MYH9: variants seen among roughly 807,000 people sequenced by gnomAD.
The protein encoded by MYH9 is myosin-9.
In MYH9, 29 loss-of-function variants were observed where a neutral mutation model predicts 241.9. That is an observed-to-expected ratio of 0.12 (90% confidence interval 0.09 to 0.16). The LOEUF (loss-of-function observed/expected upper bound fraction) is 0.16, where lower values mean the gene tolerates loss of function less well. Among genes scored for constraint, MYH9 ranks in the 10% least tolerant of loss-of-function variants. MYH9 has a pLI of 1.00. For missense variants in MYH9, 1,803 were observed against 2,595.5 expected (o/e 0.69, Z 6.63); for synonymous variants, 1,047 against 1,062.6 (o/e 0.99, Z 0.29).
Position 36,319,633 on chromosome 22 carries a change from G to T in MYH9, c.1015C>A (p.Leu339Met), listed in dbSNP as rs369633699. The change falls in exon 10 of 41, where the codon CTG becomes ATG. Residue 339 changes from leucine (L) to methionine (M), a missense_variant and splice_region_variant. Leu to Met is a conservative substitution (Grantham distance 15). Transcript: ENST00000216181. Reference protein sequence around the residue: ...MGIPEEEQMGLLRVISGVLQL... With the variant: ...MGIPEEEQMGMLRVISGVLQL... ...AGAACCCCTGAGATGACCCGCAGCA[G>T]GCCTTTGGGTGCAATCAGAGGCAGC... 5 of 1,613,986 alleles carry T rather than the reference G, an allele frequency of 3.1e-6. No individual in the cohort carries two copies. In the African/African-American group the frequency reaches 5.3e-5, roughly 17 times the overall value.
chr22:36,291,405 G>A (rs2016700600), intron 31 of MYH9, among the ~76,000 whole-genome samples: 2 of 152,024 alleles, frequency 1.3e-5, no homozygotes, highest in African/African-American at 4.8e-5. Flanking sequence ...TCTGAAACAT[G>A]TGCTGTGTCC....
chr22:36,319,490 A>C (rs1329050253), intron 10 of MYH9, 50 bp downstream of exon 10: 1 of 1,569,824 alleles, frequency 6.4e-7, no homozygotes, highest in Non-Finnish European at 8.8e-7. Context: ...GAGCAAATCC[A>C]TGGCCAAGCA....
rs200844735 is a variant in MYH9 at position 36,326,792 on chromosome 22, AC to A, written c.519-132del. 6 of 756,434 alleles carry A rather than the reference AC, an allele frequency of 7.9e-6. No individual in the cohort carries two copies. The African/African-American group carries it at 9.0e-5, about 11-fold the overall frequency. The allele number at this position is 756,434 out of a possible 1,614,324, so 46.9% of individuals were successfully genotyped here. ...TGAAGGACCCAACGTGTGGCAGAAAACGGGACTGCCACATAAACGCTCTGGA... is the reference window on the plus strand; with the variant it reads ...TGAAGGACCCAACGTGTGGCAGAAAAGGGACTGCCACATAAACGCTCTGGA... On this transcript the variant is annotated intron_variant, in intron 4 of 40. Coordinates refer to ENST00000216181, the MANE Select transcript of MYH9 (RefSeq NM_002473.6).
At chr22:36,375,813 A>T (rs1429756501) in intron 1 of MYH9, among the ~76,000 whole-genome samples, 1 of 152,228 alleles carries the variant, frequency 6.6e-6, no homozygotes, top group African/African-American at 2.4e-5. Context: ...ACCTGAGGCC[A>T]GAAGCTTGAG....
intron 5 of MYH9, among the ~76,000 whole-genome samples, chr22:36,323,868 G>A (rs1031858559): frequency 4.6e-5 from 7 of 152,258 alleles, no homozygotes; most frequent in African/African-American, 1.7e-4. Flanking sequence ...GAGGGCAGGG[G>A]TCAAGCCCAC....
chr22:36,314,640 GT>G (rs371769551), intron 12 of MYH9, among the ~76,000 whole-genome samples: 3,420 of 149,974 alleles, frequency 0.023, 126 homozygotes, highest in African/African-American at 0.079. Flanking sequence ...GTAATACATT[GT>G]TTTTTTTTTT....
intron 24 of MYH9, 76 bp from the exon 25 acceptor site, chr22:36,297,090 C>T (rs746948659): frequency 1.3e-6 from 2 of 1,522,234 alleles, no homozygotes; most frequent in Non-Finnish European, 1.8e-6. Flanking sequence ...ATACAAAATA[C>T]TGAGCACTCG....
intron 2 of MYH9, among the ~76,000 whole-genome samples, chr22:36,344,948 C>A (rs551580146): frequency 1.2e-3 from 181 of 152,336 alleles, no homozygotes; most frequent in African/African-American, 4.3e-3. Context: ...TCACTTGTAA[C>A]ACACATCAGC....
chr22:36,344,113 A>C (rs1287693769), intron 2 of MYH9, among the ~76,000 whole-genome samples: 1 of 152,260 alleles, frequency 6.6e-6, no homozygotes, highest in Non-Finnish European at 1.5e-5. Context: ...CCGTCAAAGC[A>C]GTGATGATGG....
intron 2 of MYH9, among the ~76,000 whole-genome samples, chr22:36,346,588 A>G (rs532336891): frequency 1.3e-5 from 2 of 151,516 alleles, no homozygotes; most frequent in Non-Finnish European, 3.0e-5. Context: ...TAAAGTGGGA[A>G]GGCCATAATA....
chr22:36,289,410 G>A (rs2016649452), intron 31 of MYH9, 113 bp from the exon 32 acceptor site: 4 of 980,048 alleles, frequency 4.1e-6, no homozygotes, highest in Non-Finnish European at 6.1e-6. Context: ...GTGGAGAGGA[G>A]CAGGCCTAGG....
intron 1 of MYH9, among the ~76,000 whole-genome samples, chr22:36,381,818 C>A (rs1187535323): frequency 6.6e-6 from 1 of 152,094 alleles, no homozygotes; most frequent in Admixed American, 6.5e-5. Flanking sequence ...TTTAGTTGAC[C>A]TTTTTAATAG....
At chr22:36,337,700 T>A (rs1474439900) in intron 3 of MYH9, among the ~76,000 whole-genome samples, 4 of 152,204 alleles carry the variant, frequency 2.6e-5, no homozygotes, top group African/African-American at 9.7e-5. Context: ...TTTTAAGATG[T>A]AAGTGGCAGA....
Position 36,376,698 on chromosome 22 carries a change from G to A in MYH9, c.-20+11109C>T, listed in dbSNP as rs544594551. Among the ~76,000 whole-genome samples, 6 of 152,366 alleles carry A rather than the reference G, an allele frequency of 3.9e-5. No individual in the cohort carries two copies. In the South Asian group the frequency reaches 1.0e-3, roughly 26 times the overall value. ...CCAGGGATTCCCCGATCAGTGTTCT[G>A]TAAAATGAAGAGGTCACTAACCGGC... On this transcript the variant is annotated intron_variant, in intron 1 of 40. Transcript: ENST00000216181.
chr22:36,383,113 C>T (rs1192736917), intron 1 of MYH9, among the ~76,000 whole-genome samples: 1 of 151,718 alleles, frequency 6.6e-6, no homozygotes, highest in African/African-American at 2.4e-5. Context: ...CCTGGCTACT[C>T]AGGAGGCTGA....
Position 36,285,833 on chromosome 22 carries a change from C to A in MYH9, c.5150+32G>T, listed in dbSNP as rs768300650. 9.9e-6 allele frequency: 16 copies of A among 1,612,934 alleles called. No individual in the cohort carries two copies. Among genetic ancestry groups the A allele is most frequent in the East Asian group, 2.2e-5 (1 of 44,878 alleles). On this transcript the variant is annotated intron_variant, in intron 36 of 40. Transcript: ENST00000216181. The surrounding 1 kb of genome is among the most constrained non-coding windows in gnomAD (Gnocchi z 7.0). ...GGCCTACCCTGGGGACACACCTGGT[C>A]CCCCCCAACTCTGCCCCCTCACTCA...
intron 12 of MYH9, 34 bp downstream of exon 12, chr22:36,316,483 G>A (rs1354969796): frequency 1.2e-6 from 2 of 1,614,040 alleles, no homozygotes. Context: ...AGGCCAAGGA[G>A]GCAGCAGGGT....
chr22:36,291,683 T>TAAAAAA (rs66686435), intron 31 of MYH9, among the ~76,000 whole-genome samples: 2 of 86,936 alleles, frequency 2.3e-5, no homozygotes, highest in Non-Finnish European at 4.5e-5. Context: ...ATAAAAAAAT[T>TAAAAAA]AAAAAAAAAA....
At position 36,306,742 on chromosome 22, in the gene MYH9, A is replaced by G. The variant is rs2016977460; in HGVS notation, c.1844-135T>C. The G allele has an allele frequency of 7.5e-6, 7 of 929,670 alleles. No individual in the cohort carries two copies. The highest frequency in any genetic ancestry group is 2.8e-5 in the South Asian group (2 of 71,452). The allele number at this position is 929,670 out of a possible 1,614,324, so 57.6% of individuals were successfully genotyped here. The stretch of plus-strand genomic sequence containing the variant: ...GAATGAAACAACAGGACCCTTTCCA[A>G]TTGGAGCCTACACTGGGTGCTAAGG... On this transcript the variant is annotated intron_variant, in intron 15 of 40. Coordinates refer to ENST00000216181, the MANE Select transcript of MYH9 (RefSeq NM_002473.6). The surrounding 1 kb of genome is among the most constrained non-coding windows in gnomAD (Gnocchi z 4.1).
Sources: allele counts gnomAD v4.1 joint callset (sites outside exome capture counted in the v4.1 genomes callset), GRCh38; gene constraint gnomAD v4.1.1; non-coding constraint Gnocchi (gnomAD v3.1); transcripts MANE v1.5; gene names NCBI Gene and HGNC (gene_info 2026-07-23, HGNC 2026-07-21).